Variants in KCNAB1 observed in about 807,000 individuals in gnomAD.
KCNAB1 encodes voltage-gated potassium channel subunit beta-1.
A neutral mutation model predicts 64.6 loss-of-function variants in KCNAB1; 35 were observed. The observed-to-expected ratio is 0.54, with a 90% CI of 0.41 to 0.72. The LOEUF (loss-of-function observed/expected upper bound fraction) is 0.72. Among genes scored for constraint, KCNAB1 ranks in the 30% least tolerant of loss-of-function variants. The pLI, the probability that KCNAB1 is intolerant of heterozygous loss-of-function variation, is 0.00. For missense variants in KCNAB1, 401 were observed against 512.9 expected, an observed-to-expected ratio of 0.78 and a Z score of 2.11; for synonymous variants, 177 against 183.8, an observed-to-expected ratio of 0.96 and a Z score of 0.30.
At chr3:156,298,683 A>G (rs1203727301) in intron 1 of KCNAB1, among the ~76,000 whole-genome samples, 1 of 152,196 alleles carries the variant, frequency 6.6e-6, no homozygotes. Context: ...AATTTATTTG[A>G]GTACCCTTTA....
intron 1 of KCNAB1, among the ~76,000 whole-genome samples, chr3:156,354,122 A>ATATATATATATATATATATGTG (rs1560212824): frequency 2.6e-4 from 18 of 69,556 alleles, no homozygotes; most frequent in South Asian, 5.3e-4. Context: ...GTGTGTGTGT[A>ATATATATATATATATATATGTG]TATATATATA....
intron 1 of KCNAB1, among the ~76,000 whole-genome samples, chr3:156,314,516 C>A (rs1390481406): frequency 6.6e-6 from 1 of 152,228 alleles, no homozygotes; most frequent in Non-Finnish European, 1.5e-5. Context: ...TTACTGCCTC[C>A]ATAAGCCTAC....
At chr3:156,236,086 A>G (rs1280522171) in intron 1 of KCNAB1, among the ~76,000 whole-genome samples, 1 of 152,228 alleles carries the variant, frequency 6.6e-6, no homozygotes, top group Non-Finnish European at 1.5e-5. Flanking sequence ...TTTAAAAAAT[A>G]TAATAACAAT....
At chr3:156,395,437 T>C (rs925426665) in intron 1 of KCNAB1, among the ~76,000 whole-genome samples, 1 of 147,060 alleles carries the variant, frequency 6.8e-6, no homozygotes, top group East Asian at 2.0e-4. Context: ...CCCAGCTACT[T>C]GGGAGGCTGA....
At chr3:156,384,367 C>A (rs766394621) in intron 1 of KCNAB1, among the ~76,000 whole-genome samples, 1 of 152,104 alleles carries the variant, frequency 6.6e-6, no homozygotes, top group Non-Finnish European at 1.5e-5. Context: ...CCTAGTAGCC[C>A]GATAGTAAAG....
chr3:156,457,936 C>G (rs2108288906), intron 4 of KCNAB1, among the ~76,000 whole-genome samples: 1 of 152,220 alleles, frequency 6.6e-6, no homozygotes, highest in Non-Finnish European at 1.5e-5. Flanking sequence ...ATTTCATAAC[C>G]ATATCTCATA....
rs1484429812 is a variant in KCNAB1 at position 156,382,880 on chromosome 3, G to A, written c.276-38736G>A. Among the ~76,000 whole-genome samples the A allele has an allele frequency of 4.6e-5, 7 of 152,214 alleles. No homozygotes were observed. In the East Asian group the frequency reaches 1.3e-3, roughly 29 times the overall value. ...TGAGGGCTTGTTACATGTCGCTGAG[G>A]TGTGGAGCTTGTTAGCGCAGCCTAA... On this transcript the variant is annotated intron_variant, in intron 1 of 13. Transcript: ENST00000490337.
intron 2 of KCNAB1, among the ~76,000 whole-genome samples, chr3:156,437,323 ACTTT>A (rs1477350302): frequency 6.6e-6 from 1 of 152,206 alleles, no homozygotes; most frequent in African/African-American, 2.4e-5. Flanking sequence ...TTTGGAATGC[ACTTT>A]CTATTTCTAT....
At chr3:156,395,582 A>AAAAAAAAAAC (rs1713397724) in intron 1 of KCNAB1, among the ~76,000 whole-genome samples, 1 of 142,324 alleles carries the variant, frequency 7.0e-6, no homozygotes, top group Non-Finnish European at 1.5e-5. Flanking sequence ...AAAAAAAAAA[A>AAAAAAAAAAC]AAATCAGACA....
chr3:156,399,549 CA>C (rs1356337954), intron 1 of KCNAB1, among the ~76,000 whole-genome samples: 1 of 152,100 alleles, frequency 6.6e-6, no homozygotes, highest in Non-Finnish European at 1.5e-5. Flanking sequence ...CAGGACATGG[CA>C]AAGTTATTCA....
chr3:156,450,878 A>C (rs1483093635), intron 2 of KCNAB1, among the ~76,000 whole-genome samples: 2 of 148,484 alleles, frequency 1.3e-5, no homozygotes, highest in Non-Finnish European at 3.0e-5. Context: ...CCCCCAAAAA[A>C]AAGTTATGCT....
At chr3:156,486,035 A>G (rs1245210686) in intron 8 of KCNAB1, among the ~76,000 whole-genome samples, 6 of 152,032 alleles carry the variant, frequency 3.9e-5, no homozygotes, top group African/African-American at 1.4e-4. Context: ...CACTCGATTC[A>G]AGTGATGTCT....
intron 1 of KCNAB1, among the ~76,000 whole-genome samples, chr3:156,249,026 G>A (rs201999437): frequency 1.1e-5 from 1 of 90,660 alleles, no homozygotes; most frequent in East Asian, 4.6e-4. Context: ...AAATCTGGTT[G>A]TGTTTTTTTT....
At chr3:156,348,090 T>G (rs1482998415) in intron 1 of KCNAB1, among the ~76,000 whole-genome samples, 2 of 151,724 alleles carry the variant, frequency 1.3e-5, no homozygotes, top group African/African-American at 4.8e-5. Flanking sequence ...GGATAGGAGA[T>G]ATGAAGGGAA....
At chr3:156,492,845 AT>A (rs1309922982) in intron 8 of KCNAB1, among the ~76,000 whole-genome samples, 1 of 152,134 alleles carries the variant, frequency 6.6e-6, no homozygotes, top group Non-Finnish European at 1.5e-5. Flanking sequence ...ATACGTAAAT[AT>A]TATTGAGAAA....
chr3:156,429,213 A>G (rs748014564), intron 2 of KCNAB1, among the ~76,000 whole-genome samples: 4 of 152,202 alleles, frequency 2.6e-5, no homozygotes, highest in African/African-American at 4.8e-5. Flanking sequence ...TCTTATCTGG[A>G]TGGATTAAGA....
At chr3:156,485,548 C>A (rs1715145284) in intron 8 of KCNAB1, among the ~76,000 whole-genome samples, 1 of 151,368 alleles carries the variant, frequency 6.6e-6, no homozygotes, top group African/African-American at 2.4e-5. Flanking sequence ...TTGGGGGGGG[C>A]ATGAATCCTG....
At chr3:156,216,750 TA>T (rs1209462759) in intron 1 of KCNAB1, among the ~76,000 whole-genome samples, 1 of 152,082 alleles carries the variant, frequency 6.6e-6, no homozygotes, top group African/African-American at 2.4e-5. Flanking sequence ...TTTGGACAAT[TA>T]GGTAGTTTTA....
intron 8 of KCNAB1, 22 bp downstream of exon 8, chr3:156,474,842 A>G (rs953236889): frequency 3.2e-6 from 5 of 1,555,362 alleles, no homozygotes; most frequent in Non-Finnish European, 3.5e-6. Context: ...AAGCTAATAA[A>G]ATACTCTAGA....
Sources: gnomAD v4.1 joint callset for allele counts (sites outside exome capture counted in the v4.1 genomes callset) on GRCh38, gnomAD v4.1.1 for gene constraint, MANE v1.5 for transcripts, NCBI Gene and HGNC (gene_info 2026-07-23, HGNC 2026-07-21) for gene names.